The following TRPV4 variants were observed in gnomAD, a reference collection of about 807,000 sequenced individuals.
TRPV4 encodes the protein OSM9-like transient receptor potential channel 4.
Under a neutral mutation model 84.1 loss-of-function variants are expected in TRPV4, and 58 were observed. The observed-to-expected ratio is 0.69, with a 90% CI of 0.56 to 0.86. The LOEUF is 0.86. Ranked by LOEUF, TRPV4 falls within the 40% of genes least tolerant of loss-of-function variation. TRPV4 has a pLI of 0.00. For missense variants in TRPV4, 879 were observed against 1,181.1 expected (o/e 0.74, Z 3.75); for synonymous variants, 489 against 500.9 (o/e 0.98, Z 0.32).
At position 109,793,830 on chromosome 12, in the gene TRPV4, C is replaced by T. The variant is rs1300673573; in HGVS notation, c.1584+100G>A. The T allele has an allele frequency of 2.1e-6, 2 of 959,530 alleles. No individual in the cohort carries two copies. The highest frequency in any genetic ancestry group is 3.3e-6 in the Non-Finnish European group (2 of 608,832). The allele number at this position is 959,530 out of a possible 1,614,324, so 59.4% of individuals were successfully genotyped here. ...AAAGGAGGAAGGAAAGGAGAAGGAC[C>T]ATTTGGAGGAGAGAGAAGAGAAAAA... On this transcript the variant is annotated intron_variant, in intron 9 of 15. Coordinates refer to ENST00000261740, the MANE Select transcript of TRPV4 (RefSeq NM_021625.5). This position sits in a 1 kb window ranked among gnomAD's most constrained non-coding sequence, Gnocchi z 4.0.
chr12:109,787,193 G>A (rs78292547), intron 13 of TRPV4, among the ~76,000 whole-genome samples: 2,909 of 152,290 alleles, frequency 0.019, 92 homozygotes, highest in African/African-American at 0.066. Flanking sequence ...GCAGGAATCC[G>A]GACCCTGCAC....
chr12:109,784,203 T>A (rs1889534394), intron 15 of TRPV4, 113 bp downstream of exon 15: 1 of 1,530,850 alleles, frequency 6.5e-7, no homozygotes, highest in Non-Finnish European at 9.0e-7. Flanking sequence ...AGGGGCACAC[T>A]CTCTCATTCT....
intron 3 of TRPV4, among the ~76,000 whole-genome samples, chr12:109,805,952 A>G (rs1891091695): frequency 6.6e-6 from 1 of 152,230 alleles, no homozygotes; most frequent in African/African-American, 2.4e-5. Flanking sequence ...TCCATCTCCC[A>G]GGATTCGCTC....
In TRPV4 at chr12:109,792,774, G is replaced by C; in HGVS notation, c.1702C>G (p.Leu568Val). The C allele has an allele frequency of 6.2e-7, 1 of 1,614,094 alleles. No individual in the cohort carries two copies. The highest frequency in any genetic ancestry group is 8.5e-7 in the Non-Finnish European group (1 of 1,180,040). Residue 568 changes from leucine to valine, a missense_variant, in exon 11 of 16, where the codon CTG becomes GTG. By Grantham distance (32) the Leu-to-Val change is conservative. Around this residue, in one of 4 missense-constraint regions of TRPV4, gnomAD observed 521 missense variants for 686.6 expected, o/e 0.76. Coordinates refer to ENST00000261740, the MANE Select transcript of TRPV4 (RefSeq NM_021625.5). ...VLVIVSAALY[L>V]AGIEAYLAVM... ...GCCAGGTAGGCCTCGATCCCTGCCAGGTAGAGGGCTGCTGAGACGATCACC... is the reference window on the plus strand; with the variant it reads ...GCCAGGTAGGCCTCGATCCCTGCCACGTAGAGGGCTGCTGAGACGATCACC...
chr12:109,796,397 G>A lies in TRPV4; in HGVS notation c.1332+128C>T. ...TAGTTGGCACCTTCTCTTGCATTCA[G>A]CCAACAGACCCACCACGTTGGGTCC... On this transcript the variant is annotated intron_variant, in intron 7 of 15. Transcript: ENST00000261740. This position sits in a 1 kb window ranked among gnomAD's most constrained non-coding sequence, Gnocchi z 4.2. 2 of 1,066,188 alleles carry A rather than the reference G, an allele frequency of 1.9e-6. No homozygotes were observed. Among genetic ancestry groups the A allele is most frequent in the Non-Finnish European group, 2.8e-6 (2 of 717,676 alleles). 66.0% of individuals were successfully genotyped at this position (1,066,188 alleles called of 1,614,324 possible).
chr12:109,830,111 C>T (rs749258838), intron 1 of TRPV4, among the ~76,000 whole-genome samples: 3 of 152,324 alleles, frequency 2.0e-5, no homozygotes, highest in East Asian at 1.9e-4. Context: ...CCACTGCACC[C>T]GGCCAACTCA....
intron 1 of TRPV4, among the ~76,000 whole-genome samples, chr12:109,821,067 C>A (rs969200317): frequency 3.3e-5 from 5 of 152,240 alleles, no homozygotes; most frequent in African/African-American, 1.2e-4. Context: ...CTCATGGAAA[C>A]CCTGGCAAAC....
At chr12:109,792,031 G>A (rs1373565504) in intron 12 of TRPV4, among the ~76,000 whole-genome samples, 1 of 149,092 alleles carries the variant, frequency 6.7e-6, no homozygotes, top group African/African-American at 2.5e-5. Context: ...AGGAGTTCAA[G>A]ACCAGCATGG....
chr12:109,808,958 T>C (rs1350549567), intron 2 of TRPV4, among the ~76,000 whole-genome samples: 4 of 144,036 alleles, frequency 2.8e-5, no homozygotes, highest in African/African-American at 1.1e-4. Context: ...CATTCATCCA[T>C]CCATCCATCC....
At chr12:109,817,522 G>T (rs1002620776) in intron 1 of TRPV4, among the ~76,000 whole-genome samples, 1 of 152,202 alleles carries the variant, frequency 6.6e-6, no homozygotes. Flanking sequence ...GGTTCCTGGG[G>T]ACTCCAAAAT....
At chr12:109,802,106 C>T (rs796075982) in intron 4 of TRPV4, among the ~76,000 whole-genome samples, 50 of 150,480 alleles carry the variant, frequency 3.3e-4, no homozygotes, top group African/African-American at 1.1e-3. Flanking sequence ...TCACTAGACT[C>T]GCTGCATCTC....
Position 109,814,868 on chromosome 12 carries a change from G to A in TRPV4, c.-31-41C>T. 1 of 1,522,108 alleles carries A rather than the reference G, an allele frequency of 6.6e-7. No individual in the cohort carries two copies. The highest frequency in any genetic ancestry group is 8.8e-7 in the Non-Finnish European group (1 of 1,138,332). 94.3% of individuals were successfully genotyped at this position (1,522,108 alleles called of 1,614,324 possible). A position where few individuals can be genotyped will look rare whatever the true frequency, so the allele number is the denominator to read the frequency against. On this transcript the variant is annotated intron_variant, in intron 1 of 15. Transcript: ENST00000261740. This position sits in a 1 kb window ranked among gnomAD's most constrained non-coding sequence, Gnocchi z 5.4. ...AGGGGAGTCAGGCAGAACCCGGCCA[G>A]GGGCGGGGGCTCCAGGAAGCCCCCT... is the stretch of plus-strand genomic sequence containing the variant.
intron 14 of TRPV4, among the ~76,000 whole-genome samples, chr12:109,784,898 C>T (rs897156335): frequency 6.9e-6 from 1 of 144,178 alleles, no homozygotes; most frequent in Non-Finnish European, 1.5e-5. Context: ...TATACACACA[C>T]AAAAAATTTG....
intron 1 of TRPV4, among the ~76,000 whole-genome samples, chr12:109,829,410 T>C (rs551335030): frequency 3.3e-5 from 5 of 152,214 alleles, no homozygotes; most frequent in African/African-American, 1.2e-4. Flanking sequence ...ATCAGGAAAG[T>C]AAAAAAAGTT....
chr12:109,800,583 AGCAT>A (rs772297248), intron 5 of TRPV4, 31 bp downstream of exon 5: 111 of 1,613,332 alleles, frequency 6.9e-5, no homozygotes, highest in Non-Finnish European at 9.2e-5. Flanking sequence ...ATGCTTCTCC[AGCAT>A]GCTGTCAGCC....
At chr12:109,799,966 A>G (rs59596837) in intron 5 of TRPV4, among the ~76,000 whole-genome samples, 52,063 of 151,306 alleles carry the variant, frequency 0.34, 10,330 homozygotes, top group South Asian at 0.55. Context: ...TTTTTGAGAC[A>G]GAGTCTCACT....
At chr12:109,824,808 G>C (rs1311901482) in intron 1 of TRPV4, among the ~76,000 whole-genome samples, 3 of 152,088 alleles carry the variant, frequency 2.0e-5, no homozygotes, top group African/African-American at 2.4e-5. Flanking sequence ...CCCTCTCCTA[G>C]AGGATGGTCA....
chr12:109,808,133 T>C (rs950855549), intron 3 of TRPV4, among the ~76,000 whole-genome samples, 163 bp downstream of exon 3: 3 of 152,168 alleles, frequency 2.0e-5, no homozygotes, highest in African/African-American at 7.2e-5. Flanking sequence ...TTAAGTAACA[T>C]GGTGAAGGAC....
intron 5 of TRPV4, among the ~76,000 whole-genome samples, chr12:109,799,449 G>A (rs918386631): frequency 2.6e-5 from 4 of 152,080 alleles, no homozygotes; most frequent in Non-Finnish European, 4.4e-5. Context: ...GCGCCCAGCT[G>A]ATGATGGAAT....
Sources: gnomAD v4.1 joint callset for allele counts (sites outside exome capture counted in the v4.1 genomes callset) on GRCh38, gnomAD v4.1.1 for gene constraint, gnomAD v4.1.1 regional missense constraint, Gnocchi (gnomAD v3.1) non-coding constraint, MANE v1.5 for transcripts, NCBI Gene and HGNC (gene_info 2026-07-23, HGNC 2026-07-21) for gene names.